The following PXDNL variants were observed in gnomAD, a reference collection of about 807,000 sequenced individuals.
The protein encoded by PXDNL is peroxidasin like, also known as probable oxidoreductase PXDNL.
A neutral mutation model predicts 150.8 loss-of-function variants in PXDNL; 145 were observed. The observed-to-expected ratio is 0.96, with a 90% CI of 0.84 to 1.10. The LOEUF (loss-of-function observed/expected upper bound fraction) is 1.10. Ranked by LOEUF, PXDNL falls within the 50% of genes least tolerant of loss-of-function variation. The pLI, the probability that PXDNL is intolerant of heterozygous loss-of-function variation, is 0.00. For synonymous variants in PXDNL, 757 were observed against 725.7 expected, an observed-to-expected ratio of 1.04 and a Z score of -0.69; for missense variants, 2,087 against 1,873.9, an observed-to-expected ratio of 1.11 and a Z score of -2.10.
At chr8:51,629,921 G>T (rs1404813617) in intron 2 of PXDNL, among the ~76,000 whole-genome samples, 2 of 151,822 alleles carry the variant, frequency 1.3e-5, no homozygotes, top group Non-Finnish European at 2.9e-5. Flanking sequence ...ATTTTTCAAA[G>T]AATTAGAAAA....
chr8:51,729,702 T>C (rs1457879374), intron 1 of PXDNL, among the ~76,000 whole-genome samples: 2 of 152,222 alleles, frequency 1.3e-5, no homozygotes, highest in African/African-American at 4.8e-5. Context: ...CAGATGTTTA[T>C]AGAAGGTTTA....
chr8:51,619,529 G>A (rs34430723), intron 2 of PXDNL, among the ~76,000 whole-genome samples: 73,840 of 151,994 alleles, frequency 0.49, 21,944 homozygotes, highest in Non-Finnish European at 0.66. Flanking sequence ...ATTAGATCAC[G>A]GGGGTGGATT....
chr8:51,736,415 C>T (rs1367021012), intron 1 of PXDNL, among the ~76,000 whole-genome samples: 2 of 152,192 alleles, frequency 1.3e-5, no homozygotes, highest in Non-Finnish European at 2.9e-5. Flanking sequence ...AAGCCACTTG[C>T]TAGGCAGGCT....
intron 2 of PXDNL, among the ~76,000 whole-genome samples, chr8:51,653,746 G>T (rs1834806047): frequency 6.6e-6 from 1 of 152,170 alleles, no homozygotes; most frequent in Non-Finnish European, 1.5e-5. Flanking sequence ...AGAAGGGCTA[G>T]CTTGGCCTGA....
chr8:51,378,906 C>T (rs1407711417), intron 17 of PXDNL, among the ~76,000 whole-genome samples: 2 of 152,184 alleles, frequency 1.3e-5, no homozygotes, highest in Non-Finnish European at 2.9e-5. Flanking sequence ...AGAACTGTAA[C>T]ACTCACGGCG....
intron 3 of PXDNL, among the ~76,000 whole-genome samples, chr8:51,585,368 G>C (rs1813300596): frequency 6.6e-6 from 1 of 152,108 alleles, no homozygotes; most frequent in South Asian, 2.1e-4. Context: ...TCAGGGAGGT[G>C]TAAAGTGGGA....
chr8:51,437,136 T>C (rs1418268279), intron 12 of PXDNL, among the ~76,000 whole-genome samples: 1 of 152,156 alleles, frequency 6.6e-6, no homozygotes, highest in Non-Finnish European at 1.5e-5. Flanking sequence ...ACAACCTTCC[T>C]AGATTAAACC....
At position 51,642,557 on chromosome 8, in the gene PXDNL, T is replaced by C. The variant is rs552991502; in HGVS notation, c.236+12132A>G. 1.2e-4 allele frequency among the ~76,000 whole-genome samples: 18 copies of C among 152,126 alleles called. No homozygotes were observed. In the East Asian group the frequency reaches 3.5e-3, roughly 29 times the overall value. On this transcript the variant is annotated intron_variant, in intron 2 of 22. Coordinates refer to ENST00000356297, the MANE Select transcript of PXDNL (RefSeq NM_144651.5). Reference sequence around the variant, plus strand: ...GGACATATCTCAAAATAATAAGAGTTATTTATGACAAACCCACAGCCAATA... The same window carrying C: ...GGACATATCTCAAAATAATAAGAGTCATTTATGACAAACCCACAGCCAATA...
At chr8:51,578,501 C>A (rs973342714) in intron 3 of PXDNL, among the ~76,000 whole-genome samples, 4 of 151,814 alleles carry the variant, frequency 2.6e-5, no homozygotes, top group Admixed American at 2.6e-4. Flanking sequence ...TGGAGACTTA[C>A]CTTGTTCATG....
At chr8:51,706,460 T>C (rs765671758) in intron 1 of PXDNL, among the ~76,000 whole-genome samples, 36 of 152,184 alleles carry the variant, frequency 2.4e-4, no homozygotes, top group Non-Finnish European at 4.6e-4. Context: ...CCAATGCAAA[T>C]TGGAGCCATC....
intron 17 of PXDNL, among the ~76,000 whole-genome samples, chr8:51,377,800 C>A (rs370997361): frequency 3.2e-4 from 48 of 152,218 alleles, no homozygotes; most frequent in Non-Finnish European, 1.3e-4. Context: ...GAGCCTCCCC[C>A]ACACCGCGGG....
intron 1 of PXDNL, among the ~76,000 whole-genome samples, chr8:51,792,727 C>A (rs906198690): frequency 2.0e-5 from 3 of 152,194 alleles, no homozygotes; most frequent in African/African-American, 7.2e-5. Flanking sequence ...TGTGGCCAGA[C>A]AGCCTCTTCA....
chr8:51,423,893 G>A (rs1457857598), intron 13 of PXDNL, among the ~76,000 whole-genome samples, 162 bp from the exon 14 acceptor site: 1 of 152,184 alleles, frequency 6.6e-6, no homozygotes, highest in Non-Finnish European at 1.5e-5. Context: ...AGAGAAGGAA[G>A]AGAGGAAAAG....
rs149974444 is a variant in PXDNL, at chr8:51,684,008, C to T, written c.165-29248G>A. The stretch of plus-strand genomic sequence containing the variant: ...AAATAATGTATAAAAGAAAATTACA[C>T]TTGACAAATGGGCCAGTTTAAATTA... On this transcript the variant is annotated intron_variant, in intron 1 of 22. Transcript: ENST00000356297. Among the ~76,000 whole-genome samples, 196 of 152,268 alleles carry T rather than the reference C, an allele frequency of 1.3e-3. 1 individual carries two copies. Among genetic ancestry groups the T allele is most frequent in the East Asian group, 0.011 (55 of 5,184 alleles).
At chr8:51,324,347 C>T (rs1805420794) in intron 21 of PXDNL, among the ~76,000 whole-genome samples, 1 of 119,226 alleles carries the variant, frequency 8.4e-6, no homozygotes, top group South Asian at 2.4e-4. Context: ...ACATCCTTGC[C>T]TTGTTTGCAA....
At chr8:51,436,472 G>T (rs116570989) in intron 12 of PXDNL, 40 of 348,774 alleles carry the variant, frequency 1.1e-4, no homozygotes, top group African/African-American at 7.5e-4. Flanking sequence ...CAGAAACTGA[G>T]AAAGAAAGAG....
chr8:51,761,506 A>G (rs2037166071), intron 1 of PXDNL, among the ~76,000 whole-genome samples: 1 of 152,224 alleles, frequency 6.6e-6, no homozygotes, highest in Non-Finnish European at 1.5e-5. Flanking sequence ...TATTAAGGCT[A>G]TGCCTCACCG....
At chr8:51,668,998 A>C (rs1815444184) in intron 1 of PXDNL, among the ~76,000 whole-genome samples, 5 of 152,222 alleles carry the variant, frequency 3.3e-5, no homozygotes, top group Admixed American at 2.0e-4. Flanking sequence ...AATTAAAATA[A>C]GTATCATTAA....
chr8:51,408,432 A>C lies in PXDNL; in HGVS notation c.3192T>G (p.Leu1064=), dbSNP rs377367036. The part of the protein sequence containing the change: ...RFGHTLINPI[L]YRLNATLGEI... ...CACCTAAGGTGGCATTCAGTCGGTAAAGAATAGGATTGATTAATGTGTGGC... is the reference window on the plus strand; with the variant it reads ...CACCTAAGGTGGCATTCAGTCGGTACAGAATAGGATTGATTAATGTGTGGC... The change falls in exon 17 of 23, where the codon CTT becomes CTG. Residue 1064 remains leucine (L), a synonymous_variant. Coordinates refer to ENST00000356297, the MANE Select transcript of PXDNL (RefSeq NM_144651.5). The C allele has an allele frequency of 8.8e-5, 142 of 1,613,922 alleles. No homozygotes were observed. The highest frequency in any genetic ancestry group is 3.3e-4 in the Middle Eastern group (2 of 6,084).
Sources: allele counts gnomAD v4.1 joint callset (sites outside exome capture counted in the v4.1 genomes callset), GRCh38; gene constraint gnomAD v4.1.1; transcripts MANE v1.5; gene names NCBI Gene and HGNC (gene_info 2026-07-23, HGNC 2026-07-21).